The following WNK3 variants were observed in gnomAD, a reference collection of about 807,000 sequenced individuals.
WNK3 encodes the protein WNK lysine deficient protein kinase 3, also known as serine/threonine-protein kinase WNK3.
A neutral mutation model predicts 116.7 loss-of-function variants in WNK3; 18 were observed. That is an observed-to-expected ratio of 0.15 (90% CI 0.11 to 0.23). WNK3 has a LOEUF of 0.23. WNK3 is among the 10% of genes least tolerant of loss of function. The pLI is 1.00. For missense variants in WNK3, 993 were observed against 1,323.8 expected (o/e 0.75, Z 3.88); for synonymous variants, 404 against 469.4 (o/e 0.86, Z 1.80).
At chrX:54,283,536 G>A (rs1322638403) in intron 10 of WNK3, among the ~76,000 whole-genome samples, 3 of 110,837 alleles carry the variant, frequency 2.7e-5, no homozygotes, top group Non-Finnish European at 5.7e-5. Flanking sequence ...TTGGGAGGCC[G>A]AGGCGGGTGG....
exon 2 of WNK3, chrX:54,333,738 A>G: frequency 1.2e-6 from 1 of 825,005 alleles, no homozygotes. Flanking sequence ...CATCTCAGGT[A>G]TCAGAATTAT....
chrX:54,258,762 A>G (rs1199848084), intron 11 of WNK3, among the ~76,000 whole-genome samples: 5 of 109,998 alleles, frequency 4.5e-5, no homozygotes, highest in South Asian at 4.0e-4. Context: ...AACCACATAG[A>G]AAGTATAGAA....
chrX:54,282,406 C>T (rs1299707615), intron 10 of WNK3, among the ~76,000 whole-genome samples: 1 of 110,839 alleles, frequency 9.0e-6, no homozygotes, highest in African/African-American at 3.3e-5. Context: ...TACAAGGGTT[C>T]CCTTTTCTCC....
chrX:54,346,323 C>T (rs1322588274), intron 1 of WNK3, among the ~76,000 whole-genome samples: 14 of 103,277 alleles, frequency 1.4e-4, no homozygotes, highest in East Asian at 3.0e-4. Flanking sequence ...CTCGGTCGGC[C>T]GGGAGTGGTG....
chrX:54,243,420 C>CAAAA (rs782696727), intron 17 of WNK3, among the ~76,000 whole-genome samples: 6 of 16,814 alleles, frequency 3.6e-4, no homozygotes, highest in African/African-American at 5.3e-4. Context: ...GACTCCGTCT[C>CAAAA]AAAAAAAAAA....
chrX:54,252,298 A>G (rs1297523059), intron 13 of WNK3, among the ~76,000 whole-genome samples: 1 of 111,172 alleles, frequency 9.0e-6, no homozygotes, highest in Admixed American at 9.6e-5. Flanking sequence ...TTTGAAGAAC[A>G]TAACTGAGGC....
intron 11 of WNK3, among the ~76,000 whole-genome samples, chrX:54,256,212 C>A: frequency 8.9e-6 from 1 of 111,809 alleles, no homozygotes; most frequent in African/African-American, 3.2e-5. Context: ...CAGTGATAGA[C>A]CTCTGTGGAG....
intron 1 of WNK3, among the ~76,000 whole-genome samples, chrX:54,347,532 C>T (rs1557177826): frequency 9.2e-6 from 1 of 108,972 alleles, no homozygotes; most frequent in African/African-American, 3.3e-5. Context: ...CGCCTGTAGT[C>T]CCAGCTACTT....
At chrX:54,332,994 G>T in intron 2 of WNK3, 143 bp downstream of exon 2, 1 of 428,902 alleles carries the variant, frequency 2.3e-6, no homozygotes, top group South Asian at 7.5e-5. Context: ...AGAGGATATA[G>T]GAAAGGACCA....
At chrX:54,220,311 T>C (rs782572263) in intron 22 of WNK3, among the ~76,000 whole-genome samples, 3 of 110,931 alleles carry the variant, frequency 2.7e-5, no homozygotes, top group Non-Finnish European at 5.7e-5. Flanking sequence ...CCCAGCACTT[T>C]GGGAGGCTGA....
intron 21 of WNK3, 80 bp downstream of exon 21, chrX:54,232,729 T>C (rs2067915581): frequency 1.3e-5 from 11 of 830,046 alleles, no homozygotes; most frequent in Non-Finnish European, 1.9e-5. Context: ...TAATTAAAAA[T>C]AAATTGTATT....
chrX:54,206,319 G>A (rs1194763476), intron 22 of WNK3, among the ~76,000 whole-genome samples: 1 of 111,125 alleles, frequency 9.0e-6, no homozygotes, highest in Non-Finnish European at 1.9e-5. Context: ...GAGCCCAGGA[G>A]TGCAGGGTTA....
At chrX:54,228,049 C>A (rs1557148215) in intron 22 of WNK3, among the ~76,000 whole-genome samples, 2 of 110,815 alleles carry the variant, frequency 1.8e-5, no homozygotes, top group Admixed American at 9.7e-5. Flanking sequence ...CGCCACCATG[C>A]CTGGCTAATT....
At chrX:54,215,617 T>G (rs1286351984) in intron 22 of WNK3, among the ~76,000 whole-genome samples, 70 of 111,707 alleles carry the variant, frequency 6.3e-4, no homozygotes, top group Non-Finnish European at 9.2e-4. Flanking sequence ...CCACCCCGTC[T>G]AGGAAGTGAG....
Position 54,249,631 on chromosome X carries a change from G to C in WNK3, c.2717C>G (p.Pro906Arg), listed in dbSNP as rs782747415. The C allele has an allele frequency of 2.5e-5, 30 of 1,200,232 alleles. No homozygotes were observed. Among genetic ancestry groups the C allele is most frequent in the Non-Finnish European group, 3.0e-5 (27 of 890,145 alleles). Residue 906 changes from proline to arginine, a missense_variant, in exon 17 of 24, where the codon CCA becomes CGA. Around this residue, in one of 4 missense-constraint regions of WNK3, gnomAD observed 836 missense variants for 976.5 expected, o/e 0.86. Transcript: ENST00000354646. The stretch of plus-strand genomic sequence containing the variant: ...TATTTCCTTATTACTTGTGTTTTTT[G>C]GACCTGGAACAATAATAAAGAATGG...
chrX:54,315,281 C>T (rs1330449899), intron 2 of WNK3, among the ~76,000 whole-genome samples: 1 of 85,552 alleles, frequency 1.2e-5, no homozygotes, highest in East Asian at 3.7e-4. Flanking sequence ...CCAGCCTGGG[C>T]AACAGAGGGA....
chrX:54,243,481 A>G (rs957243399), intron 17 of WNK3, among the ~76,000 whole-genome samples: 3 of 110,113 alleles, frequency 2.7e-5, no homozygotes, highest in Non-Finnish European at 5.7e-5. Context: ...CAACAACCCA[A>G]TTAAAAAATA....
chrX:54,252,944 T>TA (rs1303182996), intron 13 of WNK3, among the ~76,000 whole-genome samples: 212 of 105,984 alleles, frequency 2.0e-3, no homozygotes, highest in Non-Finnish European at 3.2e-3. Context: ...TAGAAAATAA[T>TA]AAAAAAAAAT....
At chrX:54,224,621 G>C (rs191885477) in intron 22 of WNK3, among the ~76,000 whole-genome samples, 54 of 107,998 alleles carry the variant, frequency 5.0e-4, no homozygotes, top group African/African-American at 1.8e-3. Context: ...CCAGGCTGGA[G>C]TGCAGTGGCA....
Sources: allele counts gnomAD v4.1 joint callset (sites outside exome capture counted in the v4.1 genomes callset), GRCh38; gene constraint gnomAD v4.1.1; regional missense constraint gnomAD v4.1.1; transcripts MANE v1.5; gene names NCBI Gene and HGNC (gene_info 2026-07-23, HGNC 2026-07-21).